The following SOX5 variants were observed in gnomAD, a reference collection of about 807,000 sequenced individuals.
SOX5 encodes transcription factor SOX-5.
SOX5 carries 9 observed loss-of-function variants against 92.0 expected under a neutral mutation model. That is an observed-to-expected ratio of 0.10 (90% CI 0.06 to 0.17). The LOEUF (loss-of-function observed/expected upper bound fraction) is 0.17, where lower values mean the gene tolerates loss of function less well. Ranked by LOEUF, SOX5 falls within the 10% of genes least tolerant of loss-of-function variation. The pLI, the probability that SOX5 is intolerant of heterozygous loss-of-function variation, is 1.00. For synonymous variants in SOX5, 344 were observed against 336.3 expected, an observed-to-expected ratio of 1.02 and a Z score of -0.25; for missense variants, 642 against 944.5, an observed-to-expected ratio of 0.68 and a Z score of 4.20.
At chr12:24,372,945 C>T (rs1287392136) in intron 1 of SOX5, among the ~76,000 whole-genome samples, 1 of 123,632 alleles carries the variant, frequency 8.1e-6, no homozygotes, top group African/African-American at 3.1e-5. Flanking sequence ...AAAACCCCAT[C>T]TCTACCAAAA....
intron 2 of SOX5, among the ~76,000 whole-genome samples, chr12:24,359,240 A>G (rs1955222387): frequency 6.6e-6 from 1 of 152,220 alleles, no homozygotes; most frequent in Non-Finnish European, 1.5e-5. Context: ...AAACTATATC[A>G]CATTATCCCA....
intron 1 of SOX5, among the ~76,000 whole-genome samples, chr12:24,386,243 T>G (rs1486329736): frequency 6.6e-6 from 1 of 152,122 alleles, no homozygotes; most frequent in Non-Finnish European, 1.5e-5. Flanking sequence ...TTTCCCAAAA[T>G]TACTATAGTA....
At chr12:24,027,719 A>G (rs1212622912) in intron 4 of SOX5, among the ~76,000 whole-genome samples, 1 of 151,910 alleles carries the variant, frequency 6.6e-6, no homozygotes. Flanking sequence ...AGTCACAAGG[A>G]GGGGGATGGG....
intron 1 of SOX5, among the ~76,000 whole-genome samples, chr12:24,385,923 TCAC>T (rs1958346906): frequency 2.5e-5 from 1 of 39,722 alleles, no homozygotes. Flanking sequence ...CAAGACCTTG[TCAC>T]AAAAAAAAAA....
At chr12:24,171,140 T>G (rs1954051463) in intron 4 of SOX5, among the ~76,000 whole-genome samples, 1 of 79,142 alleles carries the variant, frequency 1.3e-5, no homozygotes, top group African/African-American at 3.9e-5. Flanking sequence ...CAAGATCTAT[T>G]TTTTTTTTTT....
chr12:24,428,301 T>G (rs1966907106), intron 1 of SOX5, among the ~76,000 whole-genome samples: 1 of 152,066 alleles, frequency 6.6e-6, no homozygotes, highest in South Asian at 2.1e-4. Flanking sequence ...TGTGCACTCT[T>G]TCAATTGCTC....
chr12:24,096,639 T>C (rs570141601), intron 4 of SOX5, among the ~76,000 whole-genome samples: 2 of 152,356 alleles, frequency 1.3e-5, no homozygotes, highest in South Asian at 4.1e-4. Context: ...AATTCCCTTC[T>C]CTTTATGGCT....
intron 9 of SOX5, among the ~76,000 whole-genome samples, chr12:23,599,247 C>G (rs1218194733): frequency 6.6e-6 from 1 of 152,114 alleles, no homozygotes; most frequent in Non-Finnish European, 1.5e-5. Flanking sequence ...GAATTTGAAG[C>G]AACATTATAA....
rs116311660 is a variant in SOX5 at position 24,062,173 on chromosome 12, G to A, written c.-2+151170C>T. Among the ~76,000 whole-genome samples the A allele has an allele frequency of 7.7e-3, 1,176 of 152,194 alleles. 16 individuals carry two copies. Among genetic ancestry groups the A allele is most frequent in the African/African-American group, 0.026 (1,098 of 41,524 alleles). On this transcript the variant is annotated intron_variant, in intron 4 of 4. Coordinates refer to the SOX5 transcript ENST00000446891. ...ATGATGTACAATAGTAACAAGAAAG[G>A]CACAAGAATCTGGCCCACCTAAGCA...
intron 3 of SOX5, among the ~76,000 whole-genome samples, chr12:24,236,032 A>C (rs1368551062): frequency 1.3e-5 from 2 of 152,114 alleles, no homozygotes; most frequent in South Asian, 4.2e-4. Flanking sequence ...TACTAAAAAA[A>C]CACAAAAAAA....
At chr12:24,448,177 A>G (rs1941766891) in intron 1 of SOX5, among the ~76,000 whole-genome samples, 1 of 152,150 alleles carries the variant, frequency 6.6e-6, no homozygotes, top group African/African-American at 2.4e-5. Context: ...ACAAACAAAA[A>G]CAAAACAAGT....
Position 23,835,188 on chromosome 12 carries a change from G to T in SOX5, c.481+10795C>A, listed in dbSNP as rs575835656. Among the ~76,000 whole-genome samples, 233 of 151,830 alleles carry T rather than the reference G, an allele frequency of 1.5e-3. 2 individuals are homozygous for T. The highest frequency in any genetic ancestry group is 5.2e-3 in the African/African-American group (214 of 41,500). On this transcript the variant is annotated intron_variant, in intron 3 of 14. Coordinates refer to ENST00000451604, the MANE Select transcript of SOX5 (RefSeq NM_006940.6). The stretch of plus-strand genomic sequence containing the variant: ...AAAATTAAGATAGTCGGTTGCCTTC[G>T]ATTTGTTTAAATTTAATGAAATGGT...
Position 23,595,984 on chromosome 12 carries a change from A to T in SOX5, c.1164+8403T>A, listed in dbSNP as rs376088051. Among the ~76,000 whole-genome samples, 51 of 152,086 alleles carry T rather than the reference A, an allele frequency of 3.4e-4. No homozygotes were observed. In the South Asian group the frequency reaches 0.01, roughly 30 times the overall value. ...ACAATGCTGTCTCATTAACTGGTGGACTCCTTGATATTGCGAGACTCTAGG... is the reference window on the plus strand; with the variant it reads ...ACAATGCTGTCTCATTAACTGGTGGTCTCCTTGATATTGCGAGACTCTAGG... On this transcript the variant is annotated intron_variant, in intron 9 of 14. Coordinates refer to ENST00000451604, the MANE Select transcript of SOX5 (RefSeq NM_006940.6).
At chr12:23,984,762 A>C (rs945379492) in intron 4 of SOX5, among the ~76,000 whole-genome samples, 3 of 152,186 alleles carry the variant, frequency 2.0e-5, no homozygotes, top group Non-Finnish European at 4.4e-5. Context: ...ATTAGCACTA[A>C]ATGCTTAAGT....
chr12:23,858,065 CTGTA>C (rs1354489003), intron 2 of SOX5, among the ~76,000 whole-genome samples: 5 of 100,310 alleles, frequency 5.0e-5, no homozygotes, highest in African/African-American at 8.9e-5. Flanking sequence ...TTTAATATGC[CTGTA>C]TGTGTGTGTG....
chr12:23,845,903 A>G (rs1210543820), intron 3 of SOX5, 80 bp downstream of exon 3: 2 of 1,214,066 alleles, frequency 1.6e-6, no homozygotes, highest in Non-Finnish European at 2.4e-6. Context: ...AGTATAAATC[A>G]AAAAACAAAT....
intron 6 of SOX5, among the ~76,000 whole-genome samples, chr12:23,702,222 G>A (rs2090753164): frequency 6.6e-6 from 1 of 151,912 alleles, no homozygotes. Flanking sequence ...ATAATTTAAA[G>A]GACTAATTAC....
At chr12:23,641,739 A>G (rs923363647) in intron 7 of SOX5, among the ~76,000 whole-genome samples, 2 of 152,242 alleles carry the variant, frequency 1.3e-5, no homozygotes, top group Admixed American at 1.3e-4. Context: ...GCTAAGAAAT[A>G]TAAGTAATGT....
chr12:24,467,684 C>T (rs918222917), intron 1 of SOX5, among the ~76,000 whole-genome samples: 1 of 151,988 alleles, frequency 6.6e-6, no homozygotes, highest in African/African-American at 2.4e-5. Context: ...TGATGGAGAG[C>T]CACTGAACAA....
Sources: gnomAD v4.1 joint callset for allele counts (sites outside exome capture counted in the v4.1 genomes callset) on GRCh38, gnomAD v4.1.1 for gene constraint, MANE v1.5 for transcripts, NCBI Gene and HGNC (gene_info 2026-07-23, HGNC 2026-07-21) for gene names.